Variants in ITGAD observed in about 807,000 individuals in gnomAD.
ITGAD encodes integrin alpha-D.
Under a neutral mutation model 139.0 loss-of-function variants are expected in ITGAD, and 105 were observed. The ratio of observed to expected loss-of-function variants is 0.76; its 90% CI spans 0.65 to 0.89. ITGAD has a LOEUF of 0.89. ITGAD is among the 40% of genes least tolerant of loss of function. ITGAD has a pLI of 0.00. For missense variants in ITGAD, 1,384 were observed against 1,487.3 expected (o/e 0.93, Z 1.14); for synonymous variants, 569 against 598.3 (o/e 0.95, Z 0.71).
chr16:31,411,314 C>T lies in ITGAD; in HGVS notation c.1504C>T (p.Gln502Ter). 1 of 1,612,168 alleles carries T rather than the reference C, an allele frequency of 6.2e-7. No individual in the cohort carries two copies. The highest frequency in any genetic ancestry group is 1.7e-5 in the Admixed American group (1 of 59,904). ...CACTGCTTGTGTTCAGCAGAGGGTG[C>T]AGTGGCAGTGTGACGCTGTTCTCCG... ...SVCPLPRGRV[Q>*]WQCDAVLRGE... is the part of the protein sequence containing the mutation. The change falls in exon 14 of 30, where the codon CAG (glutamine) becomes TAG (stop). Residue 502 changes from glutamine (Q) to a stop codon, truncating the protein, a stop_gained. Coordinates refer to ENST00000389202, the MANE Select transcript of ITGAD (RefSeq NM_005353.3). LOFTEE classifies it high-confidence loss of function.
Position 31,410,431 on chromosome 16 carries a change from T to A in ITGAD, c.1120T>A (p.Trp374Arg). The A allele has an allele frequency of 6.2e-7, 1 of 1,613,950 alleles. No homozygotes were observed. Among genetic ancestry groups the A allele is most frequent in the Non-Finnish European group, 8.5e-7 (1 of 1,179,942 alleles). The change falls in exon 11 of 30, where the codon TGG becomes AGG. Residue 374 changes from tryptophan to arginine, a missense_variant. Trp to Arg is a moderately radical substitution (Grantham distance 101). Transcript: ENST00000389202. Reference sequence around the variant, plus strand: ...CCTGGGGGCTGTGGGGAGCTTTAGCTGGTCTGGAGGTGCCTTCCTGTATCC... The same window carrying A: ...CCTGGGGGCTGTGGGGAGCTTTAGCAGGTCTGGAGGTGCCTTCCTGTATCC... ...LFLGAVGSFSWSGGAFLYPPN... is the reference protein window; with the variant it reads ...LFLGAVGSFSRSGGAFLYPPN...
At position 31,408,431 on chromosome 16, in the gene ITGAD, A is replaced by C. The variant is rs2081594793; in HGVS notation, c.1016A>C (p.Gln339Pro). 6.2e-7 allele frequency: 1 copy of C among 1,613,926 alleles called. No homozygotes were observed. Among genetic ancestry groups the C allele is most frequent in the Non-Finnish European group, 8.5e-7 (1 of 1,179,902 alleles). The stretch of plus-strand genomic sequence containing the variant: ...CTGACCTGTTTCCCCACAGGAACCC[A>C]GTCCAGGGCAAGCAGCTCCTTCCAG... Reference protein sequence around the residue: ...QEKIYAVEGTQSRASSSFQHE... With the variant: ...QEKIYAVEGTPSRASSSFQHE... The change falls in exon 10 of 30, where the codon CAG becomes CCG. Residue 339 changes from glutamine to proline, a missense_variant. Physicochemically the swap from Gln to Pro is moderately conservative, Grantham distance 76. Coordinates refer to ENST00000389202, the MANE Select transcript of ITGAD (RefSeq NM_005353.3).
At chr16:31,394,141 A>AG (rs1271171799) in intron 1 of ITGAD, 95 bp from the exon 2 acceptor site, 32 of 686,134 alleles carry the variant, frequency 4.7e-5, no homozygotes, top group East Asian at 5.9e-5. Context: ...AAAAAAAAAA[A>AG]AAAAAAAAAG....
intron 17 of ITGAD, 38 bp from the exon 18 acceptor site, chr16:31,414,822 A>C (rs2081842056): frequency 1.9e-6 from 3 of 1,608,854 alleles, no homozygotes; most frequent in Non-Finnish European, 2.5e-6. Flanking sequence ...TGGAGCGTAG[A>C]GAGGACAGCA....
At chr16:31,418,015 T>C in intron 20 of ITGAD, 60 bp from the exon 21 acceptor site, 6 of 1,319,072 alleles carry the variant, frequency 4.5e-6, no homozygotes, top group Non-Finnish European at 6.6e-6. Flanking sequence ...CCACCACTGC[T>C]GTGTATCAAG....
chr16:31,397,767 C>A (rs1185245047), intron 4 of ITGAD, 28 bp from the exon 5 acceptor site: 25 of 1,604,346 alleles, frequency 1.6e-5, no homozygotes, highest in Non-Finnish European at 2.0e-5. Flanking sequence ...CTGCTAGGGA[C>A]TCCTGGCTCA....
chr16:31,411,834 T>G (rs2081725887), intron 14 of ITGAD, among the ~76,000 whole-genome samples: 1 of 152,172 alleles, frequency 6.6e-6, no homozygotes, highest in African/African-American at 2.4e-5. Flanking sequence ...AACGCAGAAA[T>G]GATAAAACCA....
chr16:31,397,884 C>T lies in ITGAD; in HGVS notation c.402C>T (p.Ile134=). 1 of 1,613,228 alleles carries T rather than the reference C, an allele frequency of 6.2e-7. No individual in the cohort carries two copies. Among genetic ancestry groups the T allele is most frequent in the Non-Finnish European group, 8.5e-7 (1 of 1,179,774 alleles). Residue 134 remains isoleucine, a synonymous_variant, in exon 5 of 30, where the codon ATC becomes ATT. Coordinates refer to ENST00000389202, the MANE Select transcript of ITGAD (RefSeq NM_005353.3). The part of the protein sequence containing the change: ...CLLLGSRWEI[I]QTVPDATPEC... ...TGCTGGGCTCGCGCTGGGAGATCAT[C>T]CAGACAGTCCCCGACGCCACGCCAG...
intron 16 of ITGAD, 52 bp from the exon 17 acceptor site, chr16:31,414,399 G>C: frequency 3.8e-6 from 6 of 1,586,962 alleles, no homozygotes; most frequent in Middle Eastern, 3.4e-4. Flanking sequence ...TGAAAACAGA[G>C]CATTCTAGGT....
At position 31,410,464 on chromosome 16, in the gene ITGAD, A is replaced by G; in HGVS notation, c.1153A>G (p.Met385Val). ...AGGTGCCTTCCTGTATCCCCCAAAT[A>G]TGAGCCCCACCTTCATCAACATGTC... The part of the protein sequence containing the change: ...SGGAFLYPPN[M>V]SPTFINMSQE... Residue 385 changes from methionine (M) to valine (V), a missense_variant, in exon 11 of 30, where the codon ATG becomes GTG. Physicochemically the swap from Met to Val is conservative, Grantham distance 21 (BLOSUM62 1). Coordinates refer to ENST00000389202, the MANE Select transcript of ITGAD (RefSeq NM_005353.3). The G allele has an allele frequency of 3.1e-6, 5 of 1,613,790 alleles. No individual in the cohort carries two copies. The highest frequency in any genetic ancestry group is 4.2e-6 in the Non-Finnish European group (5 of 1,179,934).
At chr16:31,398,285 G>C (rs1032752715) in intron 5 of ITGAD, among the ~76,000 whole-genome samples, 3 of 141,458 alleles carry the variant, frequency 2.1e-5, no homozygotes, top group African/African-American at 7.9e-5. Flanking sequence ...AAAATAGCAG[G>C]ATGTGGTGGT....
At position 31,401,540 on chromosome 16, in the gene ITGAD, C is replaced by T. The variant is rs1383116054; in HGVS notation, c.428-575C>T. Among the ~76,000 whole-genome samples, 5 of 152,110 alleles carry T rather than the reference C, an allele frequency of 3.3e-5. No homozygotes were observed. The East Asian group carries it at 9.6e-4, about 29-fold the overall frequency. ...CCCACCCCCACAGCATCCCTACAGG[C>T]ATATCCTACAGGCCTCGAAGGTGCC... On this transcript the variant is annotated intron_variant, in intron 5 of 29. Transcript: ENST00000389202.
At chr16:31,400,472 C>A (rs1464507222) in intron 5 of ITGAD, among the ~76,000 whole-genome samples, 1 of 152,144 alleles carries the variant, frequency 6.6e-6, no homozygotes, top group East Asian at 1.9e-4. Context: ...GGTGGAGGTA[C>A]CAACTGGGCC....
Position 31,423,959 on chromosome 16 carries a change from G to A in ITGAD, c.3159+1G>A, listed in dbSNP as rs1282743292. ...TCTCAGTTTCGGCTGGGTCCGCGAG[G>A]TGTGTGGGGGCAGCGGCAGAGCCCC... is the stretch of plus-strand genomic sequence containing the variant. On this transcript the variant is annotated splice_donor_variant, in intron 27 of 29. Coordinates refer to ENST00000389202, the MANE Select transcript of ITGAD (RefSeq NM_005353.3). LOFTEE classifies it high-confidence loss of function. 8 of 1,614,000 alleles carry A rather than the reference G, an allele frequency of 5.0e-6. No homozygotes were observed. The highest frequency in any genetic ancestry group is 5.9e-6 in the Non-Finnish European group (7 of 1,179,992).
intron 23 of ITGAD, among the ~76,000 whole-genome samples, chr16:31,420,430 C>T (rs1391417117): frequency 6.6e-6 from 1 of 151,934 alleles, no homozygotes; most frequent in East Asian, 1.9e-4. Flanking sequence ...CGGAATCTCA[C>T]TCTTTCACCC....
intron 5 of ITGAD, among the ~76,000 whole-genome samples, chr16:31,398,530 G>A (rs2081329521): frequency 1.3e-5 from 2 of 151,962 alleles, no homozygotes; most frequent in Admixed American, 1.3e-4. Flanking sequence ...CGCCCAGGCT[G>A]GAGTGCAGTG....
chr16:31,402,028 A>G, intron 5 of ITGAD, 87 bp from the exon 6 acceptor site: 2 of 1,458,146 alleles, frequency 1.4e-6, no homozygotes, highest in South Asian at 1.3e-5. Context: ...GATGCCAAGA[A>G]CAGCCCCCGG....
At position 31,416,197 on chromosome 16, in the gene ITGAD, T is replaced by C; in HGVS notation, c.2284-16T>C. On this transcript the variant is annotated splice_polypyrimidine_tract_variant and intron_variant, in intron 18 of 29. Transcript: ENST00000389202. ...TAAGATGTCAGATGGGAACAGAATA[T>C]ACTATTTTGCTGCAGCTCCCCTTCG... 1.3e-6 allele frequency: 2 copies of C among 1,591,016 alleles called. No homozygotes were observed. The highest frequency in any genetic ancestry group is 1.7e-6 in the Non-Finnish European group (2 of 1,164,780).
chr16:31,416,071 G>A (rs750787139), intron 18 of ITGAD, 142 bp from the exon 19 acceptor site: 24 of 561,152 alleles, frequency 4.3e-5, no homozygotes, highest in African/African-American at 1.9e-4. Flanking sequence ...CCTCCAAACC[G>A]CACCTGCGCC....
Sources: allele counts gnomAD v4.1 joint callset (sites outside exome capture counted in the v4.1 genomes callset), GRCh38; gene constraint gnomAD v4.1.1; transcripts MANE v1.5; gene names NCBI Gene and HGNC (gene_info 2026-07-23, HGNC 2026-07-21).